The following NAA11 variants were observed in gnomAD, a reference collection of about 807,000 sequenced individuals.
NAA11 encodes the protein N-alpha-acetyltransferase 11.
In NAA11, 15 loss-of-function variants were observed where a neutral mutation model predicts 16.1. That is an observed-to-expected ratio of 0.93 (90% CI 0.62 to 1.44). The LOEUF (loss-of-function observed/expected upper bound fraction) is 1.44. Ranked by LOEUF, NAA11 falls within the 40% of genes most tolerant of loss-of-function variation. NAA11 has a pLI of 0.00. For synonymous variants in NAA11, 122 were observed against 112.4 expected (o/e 1.09, Z -0.54); for missense variants, 298 against 291.3 (o/e 1.02, Z -0.17).
At chr4:79,254,207 T>C (rs1282424687) in intron 2 of NAA11, among the ~76,000 whole-genome samples, 1 of 152,240 alleles carries the variant, frequency 6.6e-6, no homozygotes, top group East Asian at 1.9e-4. Flanking sequence ...AGCATTTCTG[T>C]TTATCTATCG....
chr4:79,258,865 T>G (rs968555997), intron 2 of NAA11: 3 of 171,560 alleles, frequency 1.7e-5, no homozygotes, highest in African/African-American at 7.2e-5. Context: ...CAGCCAGAAC[T>G]AAGCAGATAT....
At chr4:79,305,510 G>A (rs1723550622) in intron 1 of NAA11, among the ~76,000 whole-genome samples, 1 of 152,146 alleles carries the variant, frequency 6.6e-6, no homozygotes, top group Non-Finnish European at 1.5e-5. Flanking sequence ...AATGAACAGG[G>A]CCTTCTTCCT....
intron 2 of NAA11, chr4:79,244,664 G>C (rs1203072196): frequency 3.5e-5 from 1 of 28,702 alleles, no homozygotes; most frequent in Non-Finnish European, 7.4e-5. Context: ...CGCTTTCCAC[G>C]GTCTCCCTCT....
chr4:79,241,729 G>A (rs1302505890), intron 2 of NAA11, among the ~76,000 whole-genome samples: 1 of 152,136 alleles, frequency 6.6e-6, no homozygotes, highest in Non-Finnish European at 1.5e-5. Context: ...CTCATTTTGG[G>A]GAAAGGGTAA....
At chr4:79,169,968 C>A in the NAA11 span, among the ~76,000 whole-genome samples, 1 of 152,182 alleles carries the variant, frequency 6.6e-6, no homozygotes, top group Non-Finnish European at 1.5e-5. Flanking sequence ...CAGAAATGGC[C>A]ATAGCAGTAT....
the NAA11 span, among the ~76,000 whole-genome samples, chr4:79,220,192 A>C: frequency 6.6e-6 from 1 of 152,170 alleles, no homozygotes; most frequent in African/African-American, 2.4e-5. Context: ...TCCTGGGTTC[A>C]AGTGATTCTC....
the NAA11 span, among the ~76,000 whole-genome samples, chr4:79,217,394 GT>G: frequency 6.6e-6 from 1 of 152,130 alleles, no homozygotes. Context: ...GGTAATATTG[GT>G]GACTATCTCA....
the NAA11 span, among the ~76,000 whole-genome samples, chr4:79,219,632 C>G: frequency 6.6e-6 from 1 of 152,006 alleles, no homozygotes; most frequent in Non-Finnish European, 1.5e-5. Context: ...GCCAAACAAA[C>G]TGAAAAGTTG....
the NAA11 span, among the ~76,000 whole-genome samples, chr4:79,220,508 A>G: frequency 7.6e-3 from 1,153 of 152,050 alleles, 17 homozygotes; most frequent in African/African-American, 0.026. Context: ...AATGTAATAT[A>G]GGATTTTCTT....
At chr4:79,176,790 A>G in the NAA11 span, among the ~76,000 whole-genome samples, 2 of 152,202 alleles carry the variant, frequency 1.3e-5, no homozygotes, top group East Asian at 1.9e-4. Flanking sequence ...GAGATTTACA[A>G]AAGCTCAGAA....
At chr4:79,215,334 C>T in the NAA11 span, among the ~76,000 whole-genome samples, 1 of 152,158 alleles carries the variant, frequency 6.6e-6, no homozygotes, top group South Asian at 2.1e-4. Flanking sequence ...CCCTCCCTTT[C>T]CTTACTGGAA....
chr4:79,279,426 C>G (rs189144133), intron 2 of NAA11, among the ~76,000 whole-genome samples: 1 of 152,200 alleles, frequency 6.6e-6, no homozygotes, highest in East Asian at 1.9e-4. Context: ...CTCTGCTAAA[C>G]ACAACTAGAA....
At chr4:79,219,938 T>G in the NAA11 span, among the ~76,000 whole-genome samples, 2 of 152,214 alleles carry the variant, frequency 1.3e-5, no homozygotes, top group African/African-American at 4.8e-5. Context: ...AACCAATATT[T>G]CATTAGTTTT....
intron 2 of NAA11, among the ~76,000 whole-genome samples, chr4:79,273,480 A>G (rs1404536020): frequency 6.6e-6 from 1 of 152,032 alleles, no homozygotes; most frequent in Non-Finnish European, 1.5e-5. Context: ...CAAATACCTG[A>G]GTCACTTTAA....
the NAA11 span, among the ~76,000 whole-genome samples, chr4:79,204,926 T>TACACACACACAC: frequency 1.5e-4 from 6 of 39,666 alleles, no homozygotes; most frequent in Non-Finnish European, 3.3e-4. Context: ...CCATGGTGTG[T>TACACACACACAC]ATACACACAC....
chr4:79,165,157 C>T, the NAA11 span, among the ~76,000 whole-genome samples: 1 of 152,314 alleles, frequency 6.6e-6, no homozygotes, highest in East Asian at 1.9e-4. Context: ...ATTTATCTCT[C>T]CTTGGGAGGT....
the NAA11 span, among the ~76,000 whole-genome samples, chr4:79,161,230 CA>C: frequency 3.7e-3 from 571 of 152,304 alleles, 4 homozygotes; most frequent in African/African-American, 0.013. Context: ...GGCTGGAGTG[CA>C]TTGGCACGAT....
intron 1 of NAA11, among the ~76,000 whole-genome samples, chr4:79,296,268 G>A (rs1363601258): frequency 6.6e-6 from 1 of 152,094 alleles, no homozygotes; most frequent in Non-Finnish European, 1.5e-5. Context: ...GGAAATTAAG[G>A]CACAAAGAAG....
intron 2 of NAA11, among the ~76,000 whole-genome samples, chr4:79,233,850 T>C (rs1721515838): frequency 1.3e-5 from 2 of 152,040 alleles, no homozygotes; most frequent in Non-Finnish European, 2.9e-5. Context: ...CCATAACTTT[T>C]GCTATTATGG....
Sources: allele counts gnomAD v4.1 joint callset (sites outside exome capture counted in the v4.1 genomes callset), GRCh38; gene constraint gnomAD v4.1.1; transcripts MANE v1.5; gene names NCBI Gene and HGNC (gene_info 2026-07-23, HGNC 2026-07-21).